ANTXR2: variants seen among roughly 807,000 people sequenced by gnomAD.
ANTXR2 encodes anthrax toxin receptor 2.
Under a neutral mutation model 73.7 loss-of-function variants are expected in ANTXR2, and 44 were observed. The observed-to-expected ratio is 0.60, with a 90% CI of 0.47 to 0.77. The LOEUF is 0.77. ANTXR2 is among the 30% of genes least tolerant of loss of function. The pLI, the probability that ANTXR2 is intolerant of heterozygous loss-of-function variation, is 0.00. For synonymous variants in ANTXR2, 217 were observed against 205.9 expected (o/e 1.05, Z -0.46); for missense variants, 604 against 592.5 (o/e 1.02, Z -0.20).
intron 16 of ANTXR2, among the ~76,000 whole-genome samples, chr4:79,973,467 GCGA>G: frequency 6.8e-6 from 1 of 147,702 alleles, no homozygotes; most frequent in African/African-American, 2.6e-5. Flanking sequence ...GGGCAGTGGT[GCGA>G]TCTCAGCTCA....
chr4:80,011,270 GCTATCTAT>G (rs34305853), intron 11 of ANTXR2, among the ~76,000 whole-genome samples: 7,760 of 149,190 alleles, frequency 0.052, 233 homozygotes, highest in East Asian at 0.13. Flanking sequence ...ACCTGGTCTT[GCTATCTAT>G]CTATCTATCT....
chr4:80,042,109 A>G (rs189325688), intron 7 of ANTXR2, among the ~76,000 whole-genome samples: 2 of 152,096 alleles, frequency 1.3e-5, no homozygotes, highest in East Asian at 3.9e-4. Flanking sequence ...AATGCTTTCT[A>G]TCTCAAATTT....
chr4:80,063,040 G>C (rs1734335584), intron 3 of ANTXR2, among the ~76,000 whole-genome samples: 1 of 152,132 alleles, frequency 6.6e-6, no homozygotes, highest in South Asian at 2.1e-4. Context: ...AAAATTAAAA[G>C]GTAGTTAGTT....
chr4:79,977,722 T>G, intron 15 of ANTXR2, 21 bp from the exon 16 acceptor site: 1 of 1,555,348 alleles, frequency 6.4e-7, no homozygotes, highest in East Asian at 2.4e-5. Flanking sequence ...ATGAGATTTG[T>G]GAATTCCCAG....
intron 13 of ANTXR2, 29 bp downstream of exon 13, chr4:79,984,790 C>G: frequency 1.3e-6 from 2 of 1,586,870 alleles, no homozygotes; most frequent in Non-Finnish European, 1.7e-6. Context: ...AAAAAAACAG[C>G]CATATCAGTT....
chr4:79,929,769 A>G (rs1249471312), intron 16 of ANTXR2, among the ~76,000 whole-genome samples: 2 of 152,348 alleles, frequency 1.3e-5, no homozygotes, highest in African/African-American at 4.8e-5. Flanking sequence ...ACCAGTTACA[A>G]ACATCTTTTA....
intron 16 of ANTXR2, among the ~76,000 whole-genome samples, chr4:79,973,341 G>T (rs138908465): frequency 4.6e-4 from 56 of 120,782 alleles, no homozygotes; most frequent in African/African-American, 1.6e-3. Flanking sequence ...TTATATGTGT[G>T]TGGGATAGGG....
intron 7 of ANTXR2, among the ~76,000 whole-genome samples, chr4:80,045,081 T>A (rs565250905): frequency 6.6e-6 from 1 of 151,926 alleles, no homozygotes; most frequent in Non-Finnish European, 1.5e-5. Flanking sequence ...TAAATTCAAA[T>A]TTTGGTAATT....
Position 79,907,403 on chromosome 4 carries a change from A to G in ANTXR2, c.*26T>C. ...CTATGTGAAAATGTGCCATCTTCGT[A>G]CCTTCTTGGTCTTCCTGCTTCCCTT... On this transcript the variant is annotated 3_prime_UTR_variant, in exon 17 of 17. Transcript: ENST00000403729. 3 of 1,609,010 alleles carry G rather than the reference A, an allele frequency of 1.9e-6. No individual in the cohort carries two copies. The highest frequency in any genetic ancestry group is 2.5e-6 in the Non-Finnish European group (3 of 1,176,528).
intron 12 of ANTXR2, among the ~76,000 whole-genome samples, chr4:79,988,253 A>G (rs1228447114): frequency 8.4e-6 from 1 of 119,478 alleles, no homozygotes; most frequent in Non-Finnish European, 1.7e-5. Flanking sequence ...ATATATATAT[A>G]TATATATATA....
rs991525491 is a variant in ANTXR2, at chr4:79,929,946, C to T, written c.1429-22479G>A. On this transcript the variant is annotated intron_variant, in intron 16 of 16. Coordinates refer to ENST00000403729, the MANE Select transcript of ANTXR2 (RefSeq NM_058172.6). ...CTCTGGAACCATTTAATCATTACAA[C>T]GGTCCTGTGACAAGTACTATTATAC... is the stretch of plus-strand genomic sequence containing the variant. Among the ~76,000 whole-genome samples the T allele has an allele frequency of 3.3e-5, 5 of 152,144 alleles. No individual in the cohort carries two copies. In the East Asian group the frequency reaches 7.7e-4, roughly 23 times the overall value.
intron 16 of ANTXR2, among the ~76,000 whole-genome samples, chr4:79,935,510 A>G (rs1219688731): frequency 1.2e-5 from 1 of 82,140 alleles, no homozygotes; most frequent in Admixed American, 1.7e-4. Flanking sequence ...AGGCCAGCTG[A>G]ACTGGAAAAA....
chr4:79,998,292 A>G (rs1341806180), intron 12 of ANTXR2, among the ~76,000 whole-genome samples: 1 of 152,074 alleles, frequency 6.6e-6, no homozygotes, highest in Non-Finnish European at 1.5e-5. Context: ...TCTTAAATGC[A>G]CTAAAGAAAA....
At chr4:79,993,775 C>CACACACACACAA (rs1730597183) in intron 12 of ANTXR2, among the ~76,000 whole-genome samples, 1 of 151,552 alleles carries the variant, frequency 6.6e-6, no homozygotes, top group South Asian at 2.1e-4. Flanking sequence ...CACACACACA[C>CACACACACACAA]ACACACACAT....
chr4:79,919,540 AAGG>A (rs1727484572), intron 16 of ANTXR2, among the ~76,000 whole-genome samples: 2 of 152,040 alleles, frequency 1.3e-5, no homozygotes, highest in African/African-American at 4.8e-5. Context: ...TCAGAGGTAG[AAGG>A]ACATGGAAAG....
chr4:80,022,487 T>C (rs1732213430), intron 10 of ANTXR2, among the ~76,000 whole-genome samples: 1 of 152,202 alleles, frequency 6.6e-6, no homozygotes, highest in African/African-American at 2.4e-5. Flanking sequence ...CTGGCATAGG[T>C]TGAGAAAACC....
chr4:80,066,251 A>T (rs1347842130), intron 3 of ANTXR2, among the ~76,000 whole-genome samples: 2 of 152,324 alleles, frequency 1.3e-5, no homozygotes, highest in South Asian at 4.1e-4. Flanking sequence ...CAAAAACTCA[A>T]ATATGGAAGA....
intron 7 of ANTXR2, among the ~76,000 whole-genome samples, chr4:80,050,654 C>T (rs1733732013): frequency 6.6e-6 from 1 of 151,666 alleles, no homozygotes; most frequent in Non-Finnish European, 1.5e-5. Context: ...GGACATACCC[C>T]AGGTCACTTG....
At chr4:79,978,266 C>CA in intron 14 of ANTXR2, 92 bp from the exon 15 acceptor site, 1 of 1,225,722 alleles carries the variant, frequency 8.2e-7, no homozygotes, top group Non-Finnish European at 1.1e-6. Flanking sequence ...GTTCACATCT[C>CA]AGAGTGAAAA....
Sources: allele counts gnomAD v4.1 joint callset (sites outside exome capture counted in the v4.1 genomes callset), GRCh38; gene constraint gnomAD v4.1.1; transcripts MANE v1.5; gene names NCBI Gene and HGNC (gene_info 2026-07-23, HGNC 2026-07-21).